Variants in MGAT1 observed in about 807,000 individuals in gnomAD.
MGAT1 encodes the protein alpha-1,3-mannosyl-glycoprotein 2-beta-N-acetylglucosaminyltransferase, also known as N-glycosyl-oligosaccharide-glycoprotein N-acetylglucosaminyltransferase I.
MGAT1 carries 14 observed loss-of-function variants against 31.7 expected under a neutral mutation model. The ratio of observed to expected loss-of-function variants is 0.44; its 90% confidence interval spans 0.29 to 0.69. MGAT1 has a LOEUF of 0.69. Among genes scored for constraint, MGAT1 ranks in the 30% least tolerant of loss-of-function variants. MGAT1 has a pLI of 0.12. For missense variants in MGAT1, 557 were observed against 626.0 expected (o/e 0.89, Z 1.18); for synonymous variants, 338 against 276.0 (o/e 1.22, Z -2.23).
chr5:180,811,441 C>T (rs1171604194), intron 1 of MGAT1: 1 of 152,160 alleles, frequency 6.6e-6, no homozygotes, highest in Non-Finnish European at 1.5e-5. Flanking sequence ...CTTCCCCCAC[C>T]TTCAAACCTT....
rs1185055704 is a variant in MGAT1 at position 180,793,045 on chromosome 5, G to A, written c.-74C>T. ...CTGGGCTTGCCCGGCTCCCTTGCCC[G>A]CAGTCCTAGGGATGCCTCCTCTGGA... is the stretch of plus-strand genomic sequence containing the variant. On this transcript the variant is annotated 5_prime_UTR_variant, in exon 2 of 2. Coordinates refer to ENST00000307826, the MANE Select transcript of MGAT1 (RefSeq NM_002406.4). The A allele has an allele frequency of 1.8e-5, 28 of 1,554,218 alleles. No homozygotes were observed. Among genetic ancestry groups the A allele is most frequent in the African/African-American group, 2.7e-5 (2 of 73,780 alleles).
intron 1 of MGAT1, chr5:180,811,181 C>T (rs908389000): frequency 1.3e-5 from 2 of 152,256 alleles, no homozygotes; most frequent in African/African-American, 4.8e-5. Flanking sequence ...TGTTTGCCCC[C>T]ACGGTTCGAA....
upstream of MGAT1, chr5:180,802,952 C>G (rs900534015): frequency 6.6e-6 from 1 of 151,674 alleles, no homozygotes; most frequent in African/African-American, 2.4e-5. Context: ...CCTCCTGGCC[C>G]GCCTCCTTTC....
At chr5:180,806,720 CAA>C (rs1276162171), upstream of MGAT1, among the ~76,000 whole-genome samples, 1 of 152,210 alleles carries the variant, frequency 6.6e-6, no homozygotes, top group Non-Finnish European at 1.5e-5. Flanking sequence ...CTCCTCACAA[CAA>C]AGTGGTGAGG....
chr5:180,791,976 G>C lies in MGAT1; in HGVS notation c.996C>G (p.Ile332Met). ...AGTGCACAAACTGCTGGTTCAGCTT[G>C]ATAAACTTGAGGTGCTGGTCAAAGA... is the stretch of plus-strand genomic sequence containing the variant. ...GQFFDQHLKF[I>M]KLNQQFVHFT... The change falls in exon 2 of 2, where the codon ATC (isoleucine) becomes ATG (methionine). Residue 332 changes from isoleucine to methionine, a missense_variant. Around this residue, in one of 3 missense-constraint regions of MGAT1, gnomAD observed 245 missense variants for 332.9 expected, o/e 0.74. Coordinates refer to ENST00000307826, the MANE Select transcript of MGAT1 (RefSeq NM_002406.4). The C allele has an allele frequency of 6.2e-7, 1 of 1,614,218 alleles. No individual in the cohort carries two copies. The highest frequency in any genetic ancestry group is 8.5e-7 in the Non-Finnish European group (1 of 1,180,050).
Position 180,792,447 on chromosome 5 carries a change from G to A in MGAT1, c.525C>T (p.Asp175=). The A allele has an allele frequency of 6.2e-7, 1 of 1,612,348 alleles. No individual in the cohort carries two copies. Among genetic ancestry groups the A allele is most frequent in the Non-Finnish European group, 8.5e-7 (1 of 1,179,438 alleles). Residue 175 remains aspartate (D), a synonymous_variant, in exon 2 of 2, where the codon GAC becomes GAT. Coordinates refer to ENST00000307826, the MANE Select transcript of MGAT1 (RefSeq NM_002406.4). ...TGTAGTAGCCCTGGAACTTGCGGTGGTCCGGCGGCACCGCAATGCTGCTCA... is the reference window on the plus strand; with the variant it reads ...TGTAGTAGCCCTGGAACTTGCGGTGATCCGGCGGCACCGCAATGCTGCTCA... The part of the protein sequence containing the change: ...PDLSSIAVPP[D]HRKFQGYYKI...
At position 180,792,491 on chromosome 5, in the gene MGAT1, G is replaced by A. The variant is rs1302028661; in HGVS notation, c.481C>T (p.His161Tyr). ...AIASYGSAVT[H>Y]IRQPDLSSIA... ...CTGCTCAGGTCGGGCTGCCGGATGTGCGTGACCGCGCTGCCGTAGGAGGCG... is the reference window on the plus strand; with the variant it reads ...CTGCTCAGGTCGGGCTGCCGGATGTACGTGACCGCGCTGCCGTAGGAGGCG... The change falls in exon 2 of 2, where the codon CAC becomes TAC. Residue 161 changes from histidine (H) to tyrosine (Y), a missense_variant. Physicochemically the swap from His to Tyr is moderately conservative, Grantham distance 83 (BLOSUM62 2). Around this residue, in one of 3 missense-constraint regions of MGAT1, gnomAD observed 245 missense variants for 332.9 expected, o/e 0.74. Transcript: ENST00000307826. The A allele has an allele frequency of 8.1e-6, 13 of 1,612,814 alleles. No individual in the cohort carries two copies. The highest frequency in any genetic ancestry group is 9.3e-6 in the Non-Finnish European group (11 of 1,179,854).
chr5:180,801,259 C>T (rs941639086), intron 1 of MGAT1, among the ~76,000 whole-genome samples: 3 of 152,162 alleles, frequency 2.0e-5, no homozygotes, highest in African/African-American at 7.2e-5. Context: ...CAATCATGAG[C>T]AATAAGCGAG....
Position 180,799,323 on chromosome 5 carries a change from G to A in MGAT1, c.-127+3357C>T, listed in dbSNP as rs536067415. Among the ~76,000 whole-genome samples the A allele has an allele frequency of 5.3e-5, 8 of 152,196 alleles. No individual in the cohort carries two copies. The East Asian group carries it at 1.4e-3, about 26-fold the overall frequency. On this transcript the variant is annotated intron_variant, in intron 1 of 1. Transcript: ENST00000307826. ...TTCCCCAGTAAGCATATACCTGGAC[G>A]CTGCTGTGTCTCTGCTCCAGCTGGT...
At chr5:180,802,870 G>A (rs1245421169), upstream of MGAT1, 4 of 150,278 alleles carry the variant, frequency 2.7e-5, no homozygotes, top group Non-Finnish European at 6.0e-5. Context: ...GGGGCGGGGC[G>A]GGGCGGACTG....
exon 2 of MGAT1, chr5:180,808,660 G>A (rs1398378738): frequency 6.6e-6 from 1 of 152,208 alleles, no homozygotes; most frequent in Non-Finnish European, 1.5e-5. Flanking sequence ...TTCTTCTCTT[G>A]TCTCAGTTGC....
chr5:180,809,529 AT>A (rs1427456855), intron 1 of MGAT1: 1 of 151,902 alleles, frequency 6.6e-6, no homozygotes, highest in East Asian at 1.9e-4. Flanking sequence ...TAGTTAATAA[AT>A]CCTTTCCAGA....
intron 1 of MGAT1, among the ~76,000 whole-genome samples, chr5:180,797,271 G>A (rs1469004268): frequency 2.0e-5 from 3 of 152,034 alleles, no homozygotes; most frequent in Admixed American, 6.6e-5. Flanking sequence ...GTGTGGTGGT[G>A]CGTGCCTGTA....
chr5:180,814,940 C>CA lies in MGAT1; in HGVS notation c.-546+473dup, dbSNP rs551527767. ...TAGGCGACAGAGTGAGACTCTGTCT[C>CA]AAAAAAAAAAAAAAATTAAAAATTA... On this transcript the variant is annotated intron_variant, in intron 1 of 2. Transcript: ENST00000333055. Among the ~76,000 whole-genome samples the CA allele has an allele frequency of 7.9e-3, 745 of 94,698 alleles. 4 individuals carry two copies. Among genetic ancestry groups the CA allele is most frequent in the South Asian group, 0.033 (100 of 3,060 alleles). 62.1% of individuals were successfully genotyped at this position (94,698 alleles called of 152,430 possible).
rs753303921 is a variant in MGAT1, at chr5:180,785,101, C to T, written c.*6533G>A. ...AAAGTTTTGGAAGGAAAAAATATTCCCATCCTTTAATTCAAGAACATCTAC... is the reference window on the plus strand; with the variant it reads ...AAAGTTTTGGAAGGAAAAAATATTCTCATCCTTTAATTCAAGAACATCTAC... On this transcript the variant is annotated 3_prime_UTR_variant, in exon 2 of 2. Transcript: ENST00000307826. 1.3e-5 allele frequency: 2 copies of T among 152,014 alleles called. No individual in the cohort carries two copies. The highest frequency in any genetic ancestry group is 2.9e-5 in the Non-Finnish European group (2 of 67,994). The allele number at this position is 152,014 out of a possible 1,614,324, so 9.4% of individuals were successfully genotyped here. A position where few individuals can be genotyped will look rare whatever the true frequency, so the allele number is the denominator to read the frequency against.
upstream of MGAT1, among the ~76,000 whole-genome samples, chr5:180,806,304 A>G (rs945283777): frequency 3.3e-5 from 5 of 152,086 alleles, no homozygotes; most frequent in South Asian, 2.1e-4. Context: ...ATGCACACAC[A>G]GTCTGGTTAA....
intron 1 of MGAT1, among the ~76,000 whole-genome samples, chr5:180,813,221 C>CA (rs1772682133): frequency 6.6e-6 from 1 of 152,208 alleles, no homozygotes; most frequent in Non-Finnish European, 1.5e-5. Flanking sequence ...CCACACCCTG[C>CA]ACTGTCACAC....
chr5:180,814,393 C>G (rs1469463629), intron 1 of MGAT1, among the ~76,000 whole-genome samples: 1 of 152,254 alleles, frequency 6.6e-6, no homozygotes, highest in Non-Finnish European at 1.5e-5. Context: ...CTTCTCTTGA[C>G]TCCCACGCCA....
Position 180,802,795 on chromosome 5 carries a change from A to C in MGAT1, c.-242T>G, listed in dbSNP as rs983687572. ...CGGCCGCCTCGCCTTTCGACTCGCC[A>C]GCCCTTTCTGCGGCGCGCCGGGGCC... On this transcript the variant is annotated 5_prime_UTR_variant, in exon 1 of 2. Coordinates refer to ENST00000307826, the MANE Select transcript of MGAT1 (RefSeq NM_002406.4). The C allele has an allele frequency of 1.3e-5, 2 of 151,844 alleles. No individual in the cohort carries two copies. The highest frequency in any genetic ancestry group is 4.8e-5 in the African/African-American group (2 of 41,384). The allele number at this position is 151,844 out of a possible 1,614,324, so 9.4% of individuals were successfully genotyped here.
Sources: allele counts gnomAD v4.1 joint callset (sites outside exome capture counted in the v4.1 genomes callset), GRCh38; gene constraint gnomAD v4.1.1; regional missense constraint gnomAD v4.1.1; transcripts MANE v1.5; gene names NCBI Gene and HGNC (gene_info 2026-07-23, HGNC 2026-07-21).